GABRA5: variants seen among roughly 807,000 people sequenced by gnomAD.
GABRA5 encodes the protein gamma-aminobutyric acid type A receptor subunit alpha5, also known as gamma-aminobutyric acid receptor subunit alpha-5.
In GABRA5, 18 loss-of-function variants were observed where a neutral mutation model predicts 47.3. That is an observed-to-expected ratio of 0.38 (90% CI 0.26 to 0.56). The LOEUF is 0.56. GABRA5 is among the 20% of genes least tolerant of loss of function. The probability of loss-of-function intolerance (pLI) is 0.71; values close to 1 mark genes in which losing one functional copy is unlikely to be tolerated. For missense variants in GABRA5, 365 were observed against 599.3 expected (o/e 0.61, Z 4.08); for synonymous variants, 237 against 229.3 (o/e 1.03, Z -0.30).
At chr15:26,885,215 C>T (rs146641868) in intron 6 of GABRA5, among the ~76,000 whole-genome samples, 16,340 of 150,632 alleles carry the variant, frequency 0.11, 964 homozygotes, top group East Asian at 0.16. Context: ...AGGAAAATGG[C>T]GTGAACCTGG....
Position 26,943,209 on chromosome 15 carries a change from C to G in GABRA5, c.878-6C>G. 6.4e-7 allele frequency: 1 copy of G among 1,550,490 alleles called. No individual in the cohort carries two copies. The highest frequency in any genetic ancestry group is 8.7e-7 in the Non-Finnish European group (1 of 1,147,432). On this transcript the variant is annotated splice_region_variant and splice_polypyrimidine_tract_variant and intron_variant, in intron 9 of 10. Transcript: ENST00000335625. ...TTTTTCACTCTGCCCTGCCTGACCCCCGCAGGGGTCACCACGGTGCTGACC... is the reference window on the plus strand; with the variant it reads ...TTTTTCACTCTGCCCTGCCTGACCCGCGCAGGGGTCACCACGGTGCTGACC...
At chr15:26,870,581 T>G (rs72712050) in intron 3 of GABRA5, among the ~76,000 whole-genome samples, 29,208 of 152,192 alleles carry the variant, frequency 0.19, 2,895 homozygotes, top group East Asian at 0.26. Context: ...AGTATTCCCT[T>G]GGGAAAGAGC....
chr15:26,926,405 G>A (rs1288264408), intron 7 of GABRA5, among the ~76,000 whole-genome samples: 1 of 152,128 alleles, frequency 6.6e-6, no homozygotes, highest in African/African-American at 2.4e-5. Context: ...TGAGCCAAAA[G>A]TTAGGTTAGA....
At chr15:26,901,922 G>A (rs12912981) in intron 6 of GABRA5, among the ~76,000 whole-genome samples, 77,924 of 151,808 alleles carry the variant, frequency 0.51, 20,147 homozygotes, top group Middle Eastern at 0.57. Flanking sequence ...TCTTCAGTCT[G>A]TGGTCTTTTG....
intron 6 of GABRA5, among the ~76,000 whole-genome samples, chr15:26,896,728 A>G (rs1893201512): frequency 6.6e-6 from 1 of 152,134 alleles, no homozygotes; most frequent in South Asian, 2.1e-4. Context: ...ATGAAGGAAA[A>G]AAGAAATTGC....
Position 26,939,907 on chromosome 15 carries a change from T to G in GABRA5, c.725-18T>G. ...GAGACTCTAGGGGACTGATGTGCAG[T>G]CATTTGCTTATTTGCAGGCGAATAC... On this transcript the variant is annotated intron_variant, in intron 8 of 10. Transcript: ENST00000335625. 1 of 1,613,622 alleles carries G rather than the reference T, an allele frequency of 6.2e-7. No individual in the cohort carries two copies. The highest frequency in any genetic ancestry group is 8.5e-7 in the Non-Finnish European group (1 of 1,179,620).
chr15:26,937,101 T>G, intron 7 of GABRA5, 84 bp from the exon 8 acceptor site: 12 of 1,512,560 alleles, frequency 7.9e-6, no homozygotes, highest in Non-Finnish European at 1.1e-5. Flanking sequence ...ATCCTCTCTC[T>G]TGCTACTTTA....
chr15:26,906,346 TG>T (rs1156760982), intron 6 of GABRA5, among the ~76,000 whole-genome samples: 3 of 152,220 alleles, frequency 2.0e-5, no homozygotes, highest in Non-Finnish European at 4.4e-5. Flanking sequence ...AGATAGGGTC[TG>T]TGTGCATGTT....
rs566508698 is a variant in GABRA5, at chr15:26,947,796, G to T, written c.1090-138G>T. 1.2e-5 allele frequency: 8 copies of T among 694,140 alleles called. No individual in the cohort carries two copies. In the Admixed American group the frequency reaches 1.4e-4, roughly 13 times the overall value. The allele number at this position is 694,140 out of a possible 1,614,324, so 43.0% of individuals were successfully genotyped here. ...GTGTGCCCTGTCTGCAGGCTACCTG[G>T]CGACATCAGTGGAGGAGGGCCCTCT... On this transcript the variant is annotated intron_variant, in intron 10 of 10. Transcript: ENST00000335625.
At chr15:26,942,556 A>G (rs775165970) in intron 9 of GABRA5, among the ~76,000 whole-genome samples, 14 of 152,202 alleles carry the variant, frequency 9.2e-5, no homozygotes, top group Admixed American at 2.0e-4. Flanking sequence ...TGGCTGCGGC[A>G]TGAATGTGAC....
At chr15:26,909,511 G>T (rs1377206210) in intron 6 of GABRA5, among the ~76,000 whole-genome samples, 2 of 152,154 alleles carry the variant, frequency 1.3e-5, no homozygotes, top group Admixed American at 6.5e-5. Flanking sequence ...ATTCCAAAAG[G>T]GTCCCAGGAG....
chr15:26,881,050 C>G, intron 4 of GABRA5, 83 bp downstream of exon 4: 1 of 1,457,622 alleles, frequency 6.9e-7, no homozygotes, highest in Non-Finnish European at 9.2e-7. Flanking sequence ...TGCGCTGATT[C>G]AAACAATTCC....
chr15:26,908,584 G>A (rs1185707112), intron 6 of GABRA5, among the ~76,000 whole-genome samples: 2 of 152,154 alleles, frequency 1.3e-5, no homozygotes, highest in East Asian at 3.8e-4. Context: ...TTTTTACAAG[G>A]CCTCTCAGGA....
intron 6 of GABRA5, among the ~76,000 whole-genome samples, chr15:26,902,891 A>T (rs2140281268): frequency 6.6e-6 from 1 of 152,248 alleles, no homozygotes; most frequent in East Asian, 1.9e-4. Flanking sequence ...TGCATCTATT[A>T]ATATGAACAT....
Position 26,883,598 on chromosome 15 carries a change from C to G in GABRA5, c.497+41C>G. 3 of 1,412,734 alleles carry G rather than the reference C, an allele frequency of 2.1e-6. No homozygotes were observed. The highest frequency in any genetic ancestry group is 2.3e-5 in the Admixed American group (1 of 43,564). 87.5% of individuals were successfully genotyped at this position (1,412,734 alleles called of 1,614,324 possible). A position where few individuals can be genotyped will look rare whatever the true frequency, so the allele number is the denominator to read the frequency against. ...GGGCGGGCGGGGCCGGGGGACGGTGCGGGGCAGGCGCGGCTGCCCATCCTG... is the reference window on the plus strand; with the variant it reads ...GGGCGGGCGGGGCCGGGGGACGGTGGGGGGCAGGCGCGGCTGCCCATCCTG... On this transcript the variant is annotated intron_variant, in intron 6 of 10. Coordinates refer to ENST00000335625, the MANE Select transcript of GABRA5 (RefSeq NM_000810.4). This position sits in a 1 kb window ranked among gnomAD's most constrained non-coding sequence, Gnocchi z 4.8.
chr15:26,888,937 T>C (rs1454645378), intron 6 of GABRA5, among the ~76,000 whole-genome samples: 1 of 152,220 alleles, frequency 6.6e-6, no homozygotes, highest in Non-Finnish European at 1.5e-5. Flanking sequence ...CTGCACCACG[T>C]GGTTCTGCCT....
chr15:26,882,766 C>T (rs1461735910), intron 4 of GABRA5, among the ~76,000 whole-genome samples: 2 of 152,110 alleles, frequency 1.3e-5, no homozygotes, highest in Non-Finnish European at 2.9e-5. Flanking sequence ...TTGTCTGATG[C>T]TTTTTAAAGC....
chr15:26,886,555 A>C (rs1309190668), intron 6 of GABRA5, among the ~76,000 whole-genome samples: 1 of 152,184 alleles, frequency 6.6e-6, no homozygotes, highest in Non-Finnish European at 1.5e-5. Context: ...AGTAAGGCTT[A>C]GGGGTGTTTG....
At chr15:26,893,345 TCGTG>T (rs1893072198) in intron 6 of GABRA5, among the ~76,000 whole-genome samples, 1 of 1,324 alleles carries the variant, frequency 7.6e-4, no homozygotes, top group Non-Finnish European at 1.4e-3. Context: ...CTATGGAGTG[TCGTG>T]TGTGTGTATG....
Sources: gnomAD v4.1 joint callset for allele counts (sites outside exome capture counted in the v4.1 genomes callset) on GRCh38, gnomAD v4.1.1 for gene constraint, Gnocchi (gnomAD v3.1) non-coding constraint, MANE v1.5 for transcripts, NCBI Gene and HGNC (gene_info 2026-07-23, HGNC 2026-07-21) for gene names.